The following CFAP251 variants were observed in gnomAD, a reference collection of about 807,000 sequenced individuals.
CFAP251 encodes cilia- and flagella-associated protein 251.
A neutral mutation model predicts 126.7 loss-of-function variants in CFAP251; 93 were observed. The ratio of observed to expected loss-of-function variants is 0.73; its 90% confidence interval spans 0.62 to 0.87. CFAP251 has a LOEUF of 0.87. Ranked by LOEUF, CFAP251 falls within the 40% of genes least tolerant of loss-of-function variation. CFAP251 has a pLI of 0.00. For missense variants in CFAP251, 1,287 were observed against 1,389.2 expected, an observed-to-expected ratio of 0.93 and a Z score of 1.17; for synonymous variants, 503 against 506.9, an observed-to-expected ratio of 0.99 and a Z score of 0.10.
intron 7 of CFAP251, 151 bp from the exon 8 acceptor site, chr12:121,948,833 T>C: frequency 1.9e-6 from 1 of 514,424 alleles, no homozygotes; most frequent in Non-Finnish European, 3.4e-6. Context: ...ATTTAAATGA[T>C]ATTCCTATTT....
chr12:121,977,818 G>T (rs2309276), intron 19 of CFAP251, among the ~76,000 whole-genome samples: 6,498 of 150,954 alleles, frequency 0.043, 488 homozygotes, highest in African/African-American at 0.15. Context: ...AATTAGCCGG[G>T]CGTGGTGGTG....
chr12:121,923,368 A>C (rs1283408672), intron 2 of CFAP251, among the ~76,000 whole-genome samples: 1 of 152,090 alleles, frequency 6.6e-6, no homozygotes, highest in Non-Finnish European at 1.5e-5. Context: ...TGTGTTGCCC[A>C]GGCTGGTCTT....
intron 19 of CFAP251, among the ~76,000 whole-genome samples, chr12:121,975,979 C>G (rs1474096544): frequency 6.6e-6 from 1 of 151,228 alleles, no homozygotes; most frequent in Non-Finnish European, 1.5e-5. Context: ...CTGACCCTTG[C>G]TAGGTGAGGA....
At chr12:121,982,441 G>A (rs543327576) in intron 19 of CFAP251, among the ~76,000 whole-genome samples, 150 of 151,376 alleles carry the variant, frequency 9.9e-4, no homozygotes, top group African/African-American at 3.3e-3. Flanking sequence ...GTGCAATGGC[G>A]CCATCTCAGT....
intron 19 of CFAP251, among the ~76,000 whole-genome samples, chr12:121,983,058 C>G (rs930036892): frequency 6.6e-6 from 1 of 152,090 alleles, no homozygotes; most frequent in African/African-American, 2.4e-5. Context: ...ATAAGGAGAC[C>G]CGTCTCTGCT....
At position 121,927,972 on chromosome 12, in the gene CFAP251, T is replaced by C. The variant is rs1344231591; in HGVS notation, c.748-3774T>C. Reference sequence around the variant, plus strand: ...TGGCTATCTCCATAATCATCTGTCATGCATGTTAAAACTTCTGCAAAACAC... The same window carrying C: ...TGGCTATCTCCATAATCATCTGTCACGCATGTTAAAACTTCTGCAAAACAC... On this transcript the variant is annotated intron_variant, in intron 3 of 21. Transcript: ENST00000288912. Among the ~76,000 whole-genome samples, 3 of 152,368 alleles carry C rather than the reference T, an allele frequency of 2.0e-5. No individual in the cohort carries two copies. In the East Asian group the frequency reaches 5.8e-4, roughly 29 times the overall value.
intron 10 of CFAP251, among the ~76,000 whole-genome samples, chr12:121,955,338 T>G (rs887089138): frequency 1.3e-5 from 2 of 152,056 alleles, no homozygotes; most frequent in African/African-American, 4.8e-5. Flanking sequence ...GAAGATCAAA[T>G]GCATCAAAAC....
At chr12:121,964,141 G>A (rs990910394) in intron 15 of CFAP251, among the ~76,000 whole-genome samples, 8 of 99,960 alleles carry the variant, frequency 8.0e-5, no homozygotes, top group Non-Finnish European at 1.4e-4. Flanking sequence ...AGGACCACCC[G>A]GGATTTGTTG....
chr12:121,967,968 A>T, intron 16 of CFAP251, 38 bp from the exon 17 acceptor site: 1 of 1,570,440 alleles, frequency 6.4e-7, no homozygotes, highest in Non-Finnish European at 8.7e-7. Context: ...GGGCCCAGCT[A>T]CCTGAGTCTG....
intron 8 of CFAP251, chr12:121,950,411 C>T (rs1881478436): frequency 1.3e-5 from 2 of 152,086 alleles, no homozygotes; most frequent in African/African-American, 2.4e-5. Context: ...ATGTATGAAA[C>T]ACCGCTGAAT....
rs766357245 is a variant in CFAP251 at position 121,962,070 on chromosome 12, C to G, written c.2400C>G (p.Val800=). 18 of 1,614,034 alleles carry G rather than the reference C, an allele frequency of 1.1e-5. No individual in the cohort carries two copies. The highest frequency in any genetic ancestry group is 1.4e-5 in the Non-Finnish European group (17 of 1,180,038). ...TDQGCYPTCM[V]WYPPLTRELF... ...AGGGCTGCTATCCCACCTGCATGGT[C>G]TGGTACCCACCACTCACCAGGGAAC... Residue 800 remains valine, a synonymous_variant, in exon 15 of 22, where the codon GTC becomes GTG. Coordinates refer to ENST00000288912, the MANE Select transcript of CFAP251 (RefSeq NM_144668.6).
At position 121,931,760 on chromosome 12, in the gene CFAP251, G is replaced by A. The variant is rs1330545881; in HGVS notation, c.762G>A (p.Ser254=). The change falls in exon 4 of 22, where the codon TCG becomes TCA. Residue 254 remains serine, a synonymous_variant. Coordinates refer to ENST00000288912, the MANE Select transcript of CFAP251 (RefSeq NM_144668.6). ...TTGTCTTCCAGACCATGACCTGGTC[G>A]TTTGGATGGAACAGTTCTCTTCCTG... is the stretch of plus-strand genomic sequence containing the variant. ...TPVYPLTMTW[S]FGWNSSLPVY... The A allele has an allele frequency of 5.7e-6, 9 of 1,579,864 alleles. No homozygotes were observed. Among genetic ancestry groups the A allele is most frequent in the South Asian group, 1.2e-5 (1 of 84,878 alleles).
At chr12:121,997,756 T>C (rs996519667) in intron 19 of CFAP251, 1 of 142,906 alleles carries the variant, frequency 7.0e-6, no homozygotes, top group Non-Finnish European at 1.5e-5. Flanking sequence ...CAATAGTTTG[T>C]TTTTTTTTTT....
chr12:121,978,642 T>C (rs1210899279), intron 19 of CFAP251, among the ~76,000 whole-genome samples: 1 of 152,098 alleles, frequency 6.6e-6, no homozygotes, highest in Admixed American at 6.6e-5. Flanking sequence ...CCTATATATA[T>C]CAACATTATA....
intron 19 of CFAP251, among the ~76,000 whole-genome samples, chr12:121,993,040 C>T (rs1201537563): frequency 7.1e-6 from 1 of 141,760 alleles, no homozygotes; most frequent in African/African-American, 2.7e-5. Context: ...CGAAGCTGGA[C>T]TGTACTGCTG....
intron 1 of CFAP251, among the ~76,000 whole-genome samples, chr12:121,920,172 A>C (rs1361680815): frequency 1.9e-4 from 29 of 150,778 alleles, no homozygotes; most frequent in African/African-American, 6.8e-4. Flanking sequence ...CAACAAGAAC[A>C]AAACTCTGTC....
chr12:121,921,662 A>T lies in CFAP251; in HGVS notation c.357A>T (p.Ser119=). Reference sequence around the variant, plus strand: ...AGACACAGATTACTGATTCCCAGTCAATCACATCAGGAATTTTCCCAGTAA... The same window carrying T: ...AGACACAGATTACTGATTCCCAGTCTATCACATCAGGAATTTTCCCAGTAA... ...RLETQITDSQ[S]ITSGIFPKTQ... The change falls in exon 2 of 22, where the codon TCA becomes TCT. Residue 119 remains serine, a synonymous_variant. Transcript: ENST00000288912. The T allele has an allele frequency of 6.2e-7, 1 of 1,607,144 alleles. No homozygotes were observed. The highest frequency in any genetic ancestry group is 2.2e-5 in the East Asian group (1 of 44,836).
intron 11 of CFAP251, 59 bp from the exon 12 acceptor site, chr12:121,958,213 G>C: frequency 6.3e-7 from 1 of 1,592,006 alleles, no homozygotes; most frequent in East Asian, 2.3e-5. Flanking sequence ...AAGCAGAATA[G>C]CTGGCATGCC....
At chr12:121,949,482 T>TA (rs1881444211) in intron 8 of CFAP251, 1 of 78,036 alleles carries the variant, frequency 1.3e-5, no homozygotes, top group African/African-American at 2.5e-4. Context: ...ATACAGCAGG[T>TA]TTTTTTTTTT....
Sources: gnomAD v4.1 joint callset for allele counts (sites outside exome capture counted in the v4.1 genomes callset) on GRCh38, gnomAD v4.1.1 for gene constraint, MANE v1.5 for transcripts, NCBI Gene and HGNC (gene_info 2026-07-23, HGNC 2026-07-21) for gene names.